The following SLC28A2 variants were observed in gnomAD, a reference collection of about 807,000 sequenced individuals.
SLC28A2 encodes solute carrier family 28 member 2.
In SLC28A2, 69 loss-of-function variants were observed where a neutral mutation model predicts 72.9. The observed-to-expected ratio is 0.95, with a 90% confidence interval of 0.78 to 1.16. The LOEUF is 1.16. Ranked by LOEUF, SLC28A2 falls within the 50% of genes most tolerant of loss-of-function variation. The pLI is 0.00. For synonymous variants in SLC28A2, 296 were observed against 294.1 expected, an observed-to-expected ratio of 1.01 and a Z score of -0.07; for missense variants, 745 against 791.1, an observed-to-expected ratio of 0.94 and a Z score of 0.70.
At chr15:45,264,385 A>C (rs1325269728) in intron 6 of SLC28A2, among the ~76,000 whole-genome samples, 3 of 152,186 alleles carry the variant, frequency 2.0e-5, no homozygotes, top group South Asian at 4.1e-4. Flanking sequence ...TGATTTATAA[A>C]ACTTTTATTT....
At chr15:45,270,760 G>C (rs1412484829) in intron 15 of SLC28A2, among the ~76,000 whole-genome samples, 1 of 151,918 alleles carries the variant, frequency 6.6e-6, no homozygotes, top group Non-Finnish European at 1.5e-5. Flanking sequence ...CCCGAGCTGG[G>C]ATTACAAGTG....
intron 10 of SLC28A2, 25 bp downstream of exon 10, chr15:45,266,186 C>T: frequency 2.6e-6 from 4 of 1,511,192 alleles, no homozygotes; most frequent in Non-Finnish European, 3.7e-6. Context: ...GACTTTTGGT[C>T]TTCTTCCCTC....
At chr15:45,272,513 T>C in intron 16 of SLC28A2, 120 bp downstream of exon 16, 1 of 859,810 alleles carries the variant, frequency 1.2e-6, no homozygotes, top group Non-Finnish European at 1.9e-6. Flanking sequence ...CCCTAGATCA[T>C]GACAGGCTGT....
At chr15:45,253,613 C>CT (rs1382546450) in intron 3 of SLC28A2, 93 bp downstream of exon 3, 4 of 698,636 alleles carry the variant, frequency 5.7e-6, no homozygotes, top group Admixed American at 4.8e-5. Flanking sequence ...ACCGCTCCAC[C>CT]TTACCATGTG....
At chr15:45,258,435 C>T (rs900930490) in intron 3 of SLC28A2, among the ~76,000 whole-genome samples, 1 of 151,938 alleles carries the variant, frequency 6.6e-6, no homozygotes, top group Non-Finnish European at 1.5e-5. Flanking sequence ...GACCATCGAC[C>T]AGATGAAGAA....
chr15:45,260,384 A>G (rs1182250685), intron 3 of SLC28A2, among the ~76,000 whole-genome samples: 7 of 152,294 alleles, frequency 4.6e-5, no homozygotes, highest in African/African-American at 1.7e-4. Flanking sequence ...CACACCAAAG[A>G]TATCTGGCAC....
At chr15:45,266,706 T>G (rs191939187) in intron 10 of SLC28A2, among the ~76,000 whole-genome samples, 3 of 152,364 alleles carry the variant, frequency 2.0e-5, no homozygotes, top group Admixed American at 2.0e-4. Context: ...TACTGAGGTC[T>G]TTCTCTCCCA....
At position 45,275,556 on chromosome 15, in the gene SLC28A2, T is replaced by C; in HGVS notation, c.*43T>C. On this transcript the variant is annotated 3_prime_UTR_variant, in exon 18 of 18. Coordinates refer to ENST00000347644, the MANE Select transcript of SLC28A2 (RefSeq NM_004212.4). Reference sequence around the variant, plus strand: ...CTATAACAGTTTTGATCTTAAAAGCTTTGTGATTGCAAAGGTGTTTATGTA... The same window carrying C: ...CTATAACAGTTTTGATCTTAAAAGCCTTGTGATTGCAAAGGTGTTTATGTA... 1 of 1,272,896 alleles carries C rather than the reference T, an allele frequency of 7.9e-7. No homozygotes were observed. The allele number at this position is 1,272,896 out of a possible 1,614,324, so 78.9% of individuals were successfully genotyped here.
intron 4 of SLC28A2, among the ~76,000 whole-genome samples, 168 bp from the exon 5 acceptor site, chr15:45,262,893 C>A (rs1032672906): frequency 1.3e-5 from 2 of 152,182 alleles, no homozygotes; most frequent in African/African-American, 4.8e-5. Context: ...GACAGTTAGA[C>A]ATCTATCCTG....
At chr15:45,253,553 A>T (rs1899876737) in intron 3 of SLC28A2, 33 bp downstream of exon 3, 1 of 1,504,760 alleles carries the variant, frequency 6.6e-7, no homozygotes, top group African/African-American at 1.4e-5. Flanking sequence ...TTCAGTTAGG[A>T]AAGGATCTAG....
intron 15 of SLC28A2, 89 bp downstream of exon 15, chr15:45,270,365 G>T: frequency 2.2e-6 from 2 of 893,570 alleles, no homozygotes; most frequent in Non-Finnish European, 3.8e-6. Flanking sequence ...GTACAAGCTG[G>T]GATCAGATAG....
At position 45,270,194 on chromosome 15, in the gene SLC28A2, G is replaced by T. The variant is rs1328178759; in HGVS notation, c.1567-1G>T. The T allele has an allele frequency of 1.9e-6, 3 of 1,609,940 alleles. No homozygotes were observed. The highest frequency in any genetic ancestry group is 2.6e-6 in the Non-Finnish European group (3 of 1,176,200). On this transcript the variant is annotated splice_acceptor_variant, in intron 14 of 17. Transcript: ENST00000347644. LOFTEE classifies it high-confidence loss of function. ...TGCTTATTTATTTTTGTTTTCCCTAGGTGAGAGCTGAAATCATTACAACAT... is the reference window on the plus strand; with the variant it reads ...TGCTTATTTATTTTTGTTTTCCCTATGTGAGAGCTGAAATCATTACAACAT...
In SLC28A2 at chr15:45,263,882, G is replaced by T. The variant is rs139472256; in HGVS notation, c.448G>T (p.Val150Leu). The T allele has an allele frequency of 6.2e-7, 1 of 1,604,824 alleles. No individual in the cohort carries two copies. Among genetic ancestry groups the T allele is most frequent in the African/African-American group, 1.3e-5 (1 of 74,666 alleles). The change falls in exon 6 of 18, where the codon GTG (valine) becomes TTG (leucine). Residue 150 changes from valine (V) to leucine (L), a missense_variant and splice_region_variant. Physicochemically the swap from Val to Leu is conservative, Grantham distance 32. Transcript: ENST00000347644. ...ATGGTCTTGGCATTCCTTCTTCAGG[G>T]TGTTTGCAGGAGTCTCCTTGGTTGG... ...NSRLRLWTKW[V>L]FAGVSLVGLI...
intron 5 of SLC28A2, 85 bp downstream of exon 5, chr15:45,263,329 C>G (rs1320811295): frequency 7.5e-7 from 1 of 1,333,442 alleles, no homozygotes; most frequent in East Asian, 2.4e-5. Flanking sequence ...TGAGCAGGCT[C>G]TCAGACCTGC....
At position 45,265,683 on chromosome 15, in the gene SLC28A2, C is replaced by T; in HGVS notation, c.861+20C>T. 1 of 1,529,954 alleles carries T rather than the reference C, an allele frequency of 6.5e-7. No individual in the cohort carries two copies. Among genetic ancestry groups the T allele is most frequent in the African/African-American group, 1.4e-5 (1 of 73,214 alleles). The allele number at this position is 1,529,954 out of a possible 1,614,324, so 94.8% of individuals were successfully genotyped here. ...CAGAAGGTGAGTCGTTCTCTTACAC[C>T]AGTCAGGAGACAGGCCTTCATCCTG... On this transcript the variant is annotated intron_variant, in intron 9 of 17. Transcript: ENST00000347644.
intron 13 of SLC28A2, 53 bp from the exon 14 acceptor site, chr15:45,269,285 G>C: frequency 6.7e-7 from 1 of 1,495,412 alleles, no homozygotes; most frequent in Non-Finnish European, 9.3e-7. Flanking sequence ...CTTGGCACCT[G>C]ACCTTTGTTA....
At chr15:45,254,685 T>C (rs1217863627) in intron 3 of SLC28A2, among the ~76,000 whole-genome samples, 1 of 152,244 alleles carries the variant, frequency 6.6e-6, no homozygotes, top group Non-Finnish European at 1.5e-5. Context: ...TCAGAGCAGC[T>C]TCCAAACAAA....
chr15:45,266,812 T>C (rs1900351758), intron 10 of SLC28A2, among the ~76,000 whole-genome samples: 2 of 152,214 alleles, frequency 1.3e-5, no homozygotes, highest in African/African-American at 4.8e-5. Flanking sequence ...ATCAGCCTAG[T>C]TTCCTATGTG....
chr15:45,270,538 T>C (rs549700288), intron 15 of SLC28A2, among the ~76,000 whole-genome samples: 1 of 152,316 alleles, frequency 6.6e-6, no homozygotes, highest in East Asian at 1.9e-4. Context: ...ATTTTAATTT[T>C]CTCTATGAGG....
Sources: gnomAD v4.1 joint callset for allele counts (sites outside exome capture counted in the v4.1 genomes callset) on GRCh38, gnomAD v4.1.1 for gene constraint, MANE v1.5 for transcripts, NCBI Gene and HGNC (gene_info 2026-07-23, HGNC 2026-07-21) for gene names.